Variants in CNTNAP2 observed in about 807,000 individuals in gnomAD.
CNTNAP2 encodes contactin associated protein 2.
Under a neutral mutation model 155.2 loss-of-function variants are expected in CNTNAP2, and 98 were observed. That is an observed-to-expected ratio of 0.63 (90% CI 0.54 to 0.75). CNTNAP2 has a LOEUF of 0.75. Ranked by LOEUF, CNTNAP2 falls within the 30% of genes least tolerant of loss-of-function variation. The pLI is 0.00. For missense variants in CNTNAP2, 1,727 were observed against 1,688.1 expected (o/e 1.02, Z -0.40); for synonymous variants, 651 against 631.2 (o/e 1.03, Z -0.47).
intron 1 of CNTNAP2, among the ~76,000 whole-genome samples, chr7:146,643,721 G>A (rs1054510007): frequency 6.6e-6 from 1 of 152,110 alleles, no homozygotes; most frequent in African/African-American, 2.4e-5. Flanking sequence ...GCTTGATGGG[G>A]ATGGCATTGA....
chr7:148,076,417 G>T (rs1223219290), intron 15 of CNTNAP2, among the ~76,000 whole-genome samples: 2 of 110,276 alleles, frequency 1.8e-5, no homozygotes, highest in Non-Finnish European at 1.9e-5. Flanking sequence ...TGATAGCTCT[G>T]ACTTCTTTTT....
intron 13 of CNTNAP2, among the ~76,000 whole-genome samples, chr7:147,889,531 A>G (rs1004808973): frequency 2.6e-5 from 4 of 152,190 alleles, no homozygotes; most frequent in Non-Finnish European, 2.9e-5. Context: ...AGAGCATTAC[A>G]ATAGCATAAA....
intron 3 of CNTNAP2, among the ~76,000 whole-genome samples, chr7:146,856,345 G>A (rs1429688603): frequency 6.9e-6 from 1 of 144,242 alleles, no homozygotes; most frequent in Non-Finnish European, 1.5e-5. Context: ...TACATACATA[G>A]GCAGGCAATA....
chr7:146,929,540 C>A (rs1379042591), intron 3 of CNTNAP2, among the ~76,000 whole-genome samples: 1 of 152,218 alleles, frequency 6.6e-6, no homozygotes, highest in African/African-American at 2.4e-5. Context: ...GCCTCTCCTC[C>A]TCCAAAGGCA....
chr7:146,183,840 C>A (rs760408330), intron 1 of CNTNAP2, among the ~76,000 whole-genome samples: 1 of 152,028 alleles, frequency 6.6e-6, no homozygotes, highest in Non-Finnish European at 1.5e-5. Flanking sequence ...TCTGAAATAT[C>A]CTCCCTTTCT....
At chr7:148,048,481 A>G (rs541082327) in intron 15 of CNTNAP2, among the ~76,000 whole-genome samples, 1 of 152,264 alleles carries the variant, frequency 6.6e-6, no homozygotes, top group South Asian at 2.1e-4. Flanking sequence ...ATTTCTTCAC[A>G]GAATCCAGTC....
chr7:146,447,983 GGAT>G (rs1796425972), intron 1 of CNTNAP2, among the ~76,000 whole-genome samples: 3 of 151,854 alleles, frequency 2.0e-5, no homozygotes, highest in African/African-American at 7.2e-5. Context: ...TTCCAAAATT[GGAT>G]GATAATAAGA....
chr7:147,175,664 A>G lies in CNTNAP2; in HGVS notation c.1348+43155A>G, dbSNP rs150088528. Among the ~76,000 whole-genome samples the G allele has an allele frequency of 3.2e-3, 494 of 152,260 alleles. 5 individuals are homozygous for G. The highest frequency in any genetic ancestry group is 0.011 in the African/African-American group (445 of 41,556). ...GTCCACCCACAGCATCGCAGGGATG[A>G]GTTCATGAGGGAGTATGCAGCCACA... On this transcript the variant is annotated intron_variant, in intron 8 of 23. Coordinates refer to ENST00000361727, the MANE Select transcript of CNTNAP2 (RefSeq NM_014141.6).
At chr7:147,104,136 T>A (rs1800708462) in intron 4 of CNTNAP2, among the ~76,000 whole-genome samples, 1 of 152,108 alleles carries the variant, frequency 6.6e-6, no homozygotes, top group African/African-American at 2.4e-5. Flanking sequence ...ATGTTAATAT[T>A]AGAGGAAGCT....
chr7:146,904,029 T>C (rs984048705), intron 3 of CNTNAP2, among the ~76,000 whole-genome samples: 2 of 152,222 alleles, frequency 1.3e-5, no homozygotes, highest in Admixed American at 6.5e-5. Context: ...CTTTTAAAAG[T>C]ATAAATTAGA....
At chr7:148,373,017 G>A (rs1400388333) in intron 21 of CNTNAP2, among the ~76,000 whole-genome samples, 1 of 152,148 alleles carries the variant, frequency 6.6e-6, no homozygotes, top group African/African-American at 2.4e-5. Flanking sequence ...TCTTCCACCT[G>A]CACACCTTGT....
In CNTNAP2 at chr7:147,890,699, G is replaced by T. The variant is rs115496164; in HGVS notation, c.2099-12866G>T. On this transcript the variant is annotated intron_variant, in intron 13 of 23. Transcript: ENST00000361727. ...CATTATGTTGAGTGAAATGAGCTAG[G>T]CACAGAAAGACAAATACCACATCAT... Among the ~76,000 whole-genome samples the T allele has an allele frequency of 9.6e-3, 1,466 of 152,266 alleles. 30 individuals carry two copies. Among genetic ancestry groups the T allele is most frequent in the African/African-American group, 0.033 (1,385 of 41,538 alleles).
At chr7:148,401,706 C>A (rs1042466094) in intron 22 of CNTNAP2, among the ~76,000 whole-genome samples, 9 of 151,988 alleles carry the variant, frequency 5.9e-5, no homozygotes, top group Admixed American at 1.3e-4. Context: ...TCATGCTATT[C>A]TCCTGCCTCA....
intron 3 of CNTNAP2, among the ~76,000 whole-genome samples, chr7:146,878,557 A>T (rs1022319190): frequency 6.6e-6 from 1 of 152,016 alleles, no homozygotes; most frequent in Non-Finnish European, 1.5e-5. Flanking sequence ...AGACGCTGTC[A>T]TTCTCTTTTG....
intron 13 of CNTNAP2, among the ~76,000 whole-genome samples, chr7:147,679,660 A>G (rs1240329986): frequency 1.3e-5 from 2 of 151,976 alleles, no homozygotes; most frequent in African/African-American, 4.8e-5. Context: ...GATGTGCCAC[A>G]TAAGTAACTC....
intron 21 of CNTNAP2, among the ~76,000 whole-genome samples, chr7:148,331,750 A>ATGGATGGATGGAG (rs1798026430): frequency 3.1e-4 from 1 of 3,208 alleles, no homozygotes; most frequent in African/African-American, 8.7e-4. Flanking sequence ...GATGGATGGA[A>ATGGATGGATGGAG]CGGACGGATG....
chr7:148,286,368 T>G (rs1797082745), intron 21 of CNTNAP2, among the ~76,000 whole-genome samples: 1 of 152,206 alleles, frequency 6.6e-6, no homozygotes, highest in Admixed American at 6.5e-5. Context: ...GTCTCCAAAC[T>G]GTCTTGTGGC....
At chr7:147,231,593 T>G (rs548993748) in intron 8 of CNTNAP2, among the ~76,000 whole-genome samples, 19 of 152,320 alleles carry the variant, frequency 1.2e-4, no homozygotes, top group South Asian at 6.2e-4. Flanking sequence ...CTTGCCAACA[T>G]TTATTATCAC....
chr7:147,040,454 T>C (rs1799238651), intron 3 of CNTNAP2, among the ~76,000 whole-genome samples: 1 of 88,772 alleles, frequency 1.1e-5, no homozygotes, highest in Non-Finnish European at 1.9e-5. Context: ...AGAGTGAATT[T>C]TTTTTTTTTT....
Sources: allele counts gnomAD v4.1 joint callset (sites outside exome capture counted in the v4.1 genomes callset), GRCh38; gene constraint gnomAD v4.1.1; transcripts MANE v1.5; gene names NCBI Gene and HGNC (gene_info 2026-07-23, HGNC 2026-07-21).